TMEM134: variants seen among roughly 807,000 people sequenced by gnomAD.
TMEM134 encodes the protein transmembrane protein 134.
In TMEM134, 36 loss-of-function variants were observed where a neutral mutation model predicts 26.2. The observed-to-expected ratio is 1.37, with a 90% CI of 1.05 to 1.81. The LOEUF is 1.81. Ranked by LOEUF, TMEM134 falls within the 40% of genes most tolerant of loss-of-function variation. The pLI, the probability that TMEM134 is intolerant of heterozygous loss-of-function variation, is 0.00. For missense variants in TMEM134, 339 were observed against 263.5 expected, an observed-to-expected ratio of 1.29 and a Z score of -1.98; for synonymous variants, 133 against 113.6, an observed-to-expected ratio of 1.17 and a Z score of -1.08.
rs1267605949 is a variant in TMEM134, at chr11:67,464,095, G to A, written c.*519C>T. 2 of 172,326 alleles carry A rather than the reference G, an allele frequency of 1.2e-5. No homozygotes were observed. The highest frequency in any genetic ancestry group is 4.8e-5 in the African/African-American group (2 of 41,530). 10.7% of individuals were successfully genotyped at this position (172,326 alleles called of 1,614,324 possible). On this transcript the variant is annotated 3_prime_UTR_variant, in exon 7 of 7. Coordinates refer to ENST00000308022, the MANE Select transcript of TMEM134 (RefSeq NM_025124.4). ...CCCTCGGCCAGGGCCACCAGACAGA[G>A]ACGGGCTGGTTGAGTCATCCAAGGG...
chr11:67,464,783 GC>G lies in TMEM134; in HGVS notation c.505+19del, dbSNP rs1324936733. On this transcript the variant is annotated intron_variant, in intron 6 of 6. Coordinates refer to ENST00000308022, the MANE Select transcript of TMEM134 (RefSeq NM_025124.4). ...CCGCCCCACAGCCCCCGCCCCTTCC[GC>G]CCCGGTGCCCGCTCGCACCTCCAGG... is the stretch of plus-strand genomic sequence containing the variant. 1 of 1,549,062 alleles carries G rather than the reference GC, an allele frequency of 6.5e-7. No individual in the cohort carries two copies. The highest frequency in any genetic ancestry group is 1.8e-5 in the Admixed American group (1 of 55,118).
intron 4 of TMEM134, 185 bp from the exon 5 acceptor site, chr11:67,465,285 G>A: frequency 1.4e-6 from 2 of 1,423,384 alleles, no homozygotes; most frequent in Non-Finnish European, 1.8e-6. Flanking sequence ...GTGTGTGAAA[G>A]GAGAGATTTT....
intron 1 of TMEM134, 78 bp downstream of exon 1, chr11:67,468,941 C>T: frequency 2.2e-6 from 3 of 1,343,470 alleles, no homozygotes; most frequent in Non-Finnish European, 2.9e-6. Flanking sequence ...AGATGCTTCC[C>T]CGAGTTGAGG....
In TMEM134 at chr11:67,465,061, G is replaced by GA. The variant is rs1309966515; in HGVS notation, c.445dup (p.Ser149PhefsTer86). ...GGGGCGGGAGGGTCGCTCACCTGGA[G>GA]AGGGGGTCGCCTCCAGTCCCACGCC... On this transcript the variant is annotated frameshift_variant, in exon 5 of 7. Transcript: ENST00000308022. LOFTEE classifies it high-confidence loss of function. The GA allele has an allele frequency of 6.3e-7, 1 of 1,583,182 alleles. No individual in the cohort carries two copies. The highest frequency in any genetic ancestry group is 1.8e-5 in the Admixed American group (1 of 56,524).
chr11:67,464,781 C>A, intron 6 of TMEM134, 22 bp downstream of exon 6: 1 of 1,578,084 alleles, frequency 6.3e-7, no homozygotes, highest in Non-Finnish European at 8.6e-7. Flanking sequence ...CCCGCCCCTT[C>A]CGCCCCGGTG....
intron 1 of TMEM134, 89 bp from the exon 2 acceptor site, chr11:67,468,181 C>A (rs982129512): frequency 1.6e-6 from 2 of 1,278,662 alleles, no homozygotes; most frequent in Non-Finnish European, 2.2e-6. Context: ...CCTACACAAC[C>A]ATTTGCCTGG....
chr11:67,464,294 G>A lies in TMEM134; in HGVS notation c.*320C>T, dbSNP rs569535212. 1.2e-3 allele frequency: 530 copies of A among 448,752 alleles called. 2 individuals carry two copies. Among genetic ancestry groups the A allele is most frequent in the Non-Finnish European group, 1.6e-3 (404 of 245,068 alleles). 27.8% of individuals were successfully genotyped at this position (448,752 alleles called of 1,614,324 possible). Reference sequence around the variant, plus strand: ...GTCAGGGTCAGTCCTTGGGAGGGGGGCTGTGGTCAGGCTGGTGGGCTGGGC... The same window carrying A: ...GTCAGGGTCAGTCCTTGGGAGGGGGACTGTGGTCAGGCTGGTGGGCTGGGC... On this transcript the variant is annotated 3_prime_UTR_variant, in exon 7 of 7. Coordinates refer to ENST00000308022, the MANE Select transcript of TMEM134 (RefSeq NM_025124.4).
In TMEM134 at chr11:67,468,049, G is replaced by T; in HGVS notation, c.218C>A (p.Pro73Gln). Reference sequence around the variant, plus strand: ...TAACCTGGTGCCGACTCCCCCATCCGGCTCCGGAGAGGCCTGGGCTCCATC... The same window carrying T: ...TAACCTGGTGCCGACTCCCCCATCCTGCTCCGGAGAGGCCTGGGCTCCATC... ...DEDGAQASPE[P>Q]DGGVGTRDSS... The change falls in exon 2 of 7, where the codon CCG becomes CAG. Residue 73 changes from proline (P) to glutamine (Q), a missense_variant. Transcript: ENST00000308022. 1 of 1,562,466 alleles carries T rather than the reference G, an allele frequency of 6.4e-7. No homozygotes were observed. The highest frequency in any genetic ancestry group is 1.4e-5 in the African/African-American group (1 of 73,660).
intron 1 of TMEM134, chr11:67,468,344 T>C (rs1638577): frequency 0.046 from 24,314 of 530,542 alleles, 4,625 homozygotes; most frequent in African/African-American, 0.41. Context: ...AACTTTGGGT[T>C]AGGGTGGAGC....
chr11:67,467,282 C>T (rs750518289), intron 4 of TMEM134, 30 bp downstream of exon 4: 2 of 1,611,374 alleles, frequency 1.2e-6, no homozygotes, highest in Non-Finnish European at 1.7e-6. Flanking sequence ...CACGGGGCCC[C>T]TCTTGACCCC....
chr11:67,465,017 G>T, intron 5 of TMEM134, 39 bp downstream of exon 5: 1 of 1,511,762 alleles, frequency 6.6e-7, no homozygotes, highest in South Asian at 1.2e-5. Context: ...ACACAAGACA[G>T]GGGTGTCCTC....
At chr11:67,465,005 G>A (rs749211821) in intron 5 of TMEM134, 51 bp downstream of exon 5, 10 of 1,502,134 alleles carry the variant, frequency 6.7e-6, no homozygotes, top group Non-Finnish European at 5.4e-6. Context: ...GTGGACCCGT[G>A]GACACAAGAC....
At position 67,464,178 on chromosome 11, in the gene TMEM134, G is replaced by T; in HGVS notation, c.*436C>A. On this transcript the variant is annotated 3_prime_UTR_variant, in exon 7 of 7. Transcript: ENST00000308022. ...CTGGCTGGCAAGGCAGGAGTCCTAC[G>T]CCCAGCTCTGCCCCTAACATGCCCC... is the stretch of plus-strand genomic sequence containing the variant. 1 of 230,502 alleles carries T rather than the reference G, an allele frequency of 4.3e-6. No homozygotes were observed. The highest frequency in any genetic ancestry group is 4.5e-5 in the South Asian group (1 of 22,022). 14.3% of individuals were successfully genotyped at this position (230,502 alleles called of 1,614,324 possible).
At position 67,464,992 on chromosome 11, in the gene TMEM134, GCCGTGGAC is replaced by G. The variant is rs1865158438; in HGVS notation, c.451+56_451+63del. 13 of 1,494,076 alleles carry G rather than the reference GCCGTGGAC, an allele frequency of 8.7e-6. No homozygotes were observed. The South Asian group carries it at 1.5e-4, about 18-fold the overall frequency. The allele number at this position is 1,494,076 out of a possible 1,614,324, so 92.6% of individuals were successfully genotyped here. On this transcript the variant is annotated intron_variant, in intron 5 of 6. Coordinates refer to ENST00000308022, the MANE Select transcript of TMEM134 (RefSeq NM_025124.4). ...GTACTGCCGGGAGGTGGGAGGGCTT[GCCGTGGAC>G]CCGTGGACACAAGACAGGGGTGTCC...
At chr11:67,465,208 A>C (rs1199920442) in intron 4 of TMEM134, 108 bp from the exon 5 acceptor site, 1 of 1,531,862 alleles carries the variant, frequency 6.5e-7, no homozygotes, top group Non-Finnish European at 8.7e-7. Context: ...TGCCCTAGGC[A>C]GAGACCCTCC....
At chr11:67,465,131 G>T in intron 4 of TMEM134, 31 bp from the exon 5 acceptor site, 1 of 1,556,196 alleles carries the variant, frequency 6.4e-7, no homozygotes. Context: ...GGGGGTGGGG[G>T]CAGGAGCAGT....
In TMEM134 at chr11:67,464,182, A is replaced by C. The variant is rs1382162700; in HGVS notation, c.*432T>G. On this transcript the variant is annotated 3_prime_UTR_variant, in exon 7 of 7. Transcript: ENST00000308022. ...CTGGCAAGGCAGGAGTCCTACGCCC[A>C]GCTCTGCCCCTAACATGCCCCGTGC... The C allele has an allele frequency of 8.6e-6, 2 of 232,902 alleles. No individual in the cohort carries two copies. The highest frequency in any genetic ancestry group is 4.7e-5 in the African/African-American group (2 of 42,334). The allele number at this position is 232,902 out of a possible 1,614,324, so 14.4% of individuals were successfully genotyped here.
rs997128682 is a variant in TMEM134 at position 67,462,221 on chromosome 11, C to G, written c.*2393G>C. On this transcript the variant is annotated 3_prime_UTR_variant, in exon 7 of 7. Coordinates refer to ENST00000308022, the MANE Select transcript of TMEM134 (RefSeq NM_025124.4). ...GAGTAAAAAGTTGTTAGCTGCGATT[C>G]TGTGTTAATTGCCTGTTTGTTCATA... 6.0e-5 allele frequency: 9 copies of G among 150,094 alleles called. No individual in the cohort carries two copies. Among genetic ancestry groups the G allele is most frequent in the African/African-American group, 2.2e-4 (9 of 40,850 alleles). The allele number at this position is 150,094 out of a possible 1,614,324, so 9.3% of individuals were successfully genotyped here.
intron 4 of TMEM134, 27 bp from the exon 5 acceptor site, chr11:67,465,127 G>T (rs1193590394): frequency 6.4e-7 from 1 of 1,556,772 alleles, no homozygotes; most frequent in Non-Finnish European, 8.6e-7. Context: ...CCGCGGGGGT[G>T]GGGGCAGGAG....
Sources: gnomAD v4.1 joint callset for allele counts on GRCh38, gnomAD v4.1.1 for gene constraint, MANE v1.5 for transcripts, NCBI Gene and HGNC (gene_info 2026-07-23, HGNC 2026-07-21) for gene names.